The following KCNB2 variants were observed in gnomAD, a reference collection of about 807,000 sequenced individuals.
The protein encoded by KCNB2 is potassium voltage-gated channel subfamily B member 2, also known as delayed rectifier potassium channel protein.
KCNB2 carries 15 observed loss-of-function variants against 61.5 expected under a neutral mutation model. That is an observed-to-expected ratio of 0.24 (90% confidence interval 0.16 to 0.38). KCNB2 has a LOEUF of 0.38. Among genes scored for constraint, KCNB2 ranks in the 10% least tolerant of loss-of-function variants. The pLI is 1.00. For missense variants in KCNB2, 828 were observed against 1,125.2 expected, an observed-to-expected ratio of 0.74 and a Z score of 3.78; for synonymous variants, 457 against 446.0, an observed-to-expected ratio of 1.02 and a Z score of -0.31.
At chr8:72,927,514 A>T (rs941792543) in intron 2 of KCNB2, among the ~76,000 whole-genome samples, 1 of 152,084 alleles carries the variant, frequency 6.6e-6, no homozygotes, top group African/African-American at 2.4e-5. Context: ...CAGATGACCC[A>T]CCGGACTTGG....
intron 2 of KCNB2, among the ~76,000 whole-genome samples, chr8:72,650,075 G>C (rs1013148080): frequency 3.3e-5 from 5 of 152,060 alleles, no homozygotes; most frequent in Non-Finnish European, 7.4e-5. Context: ...TAAAAGGAAA[G>C]ACAATTATAC....
intron 2 of KCNB2, among the ~76,000 whole-genome samples, chr8:72,875,359 A>G (rs565084784): frequency 6.6e-6 from 1 of 152,172 alleles, no homozygotes; most frequent in Non-Finnish European, 1.5e-5. Flanking sequence ...GAGCCATAGC[A>G]GCCTGGCAGC....
chr8:72,620,617 TA>T (rs1390895613), intron 2 of KCNB2, among the ~76,000 whole-genome samples: 3 of 152,120 alleles, frequency 2.0e-5, no homozygotes, highest in Non-Finnish European at 4.4e-5. Flanking sequence ...TATTTTATTT[TA>T]TTTTTTTGAG....
At chr8:72,600,920 C>T (rs2128982491) in intron 2 of KCNB2, among the ~76,000 whole-genome samples, 1 of 151,310 alleles carries the variant, frequency 6.6e-6, no homozygotes, top group East Asian at 1.9e-4. Context: ...ATGAAATAGT[C>T]AGTACAATAA....
intron 2 of KCNB2, among the ~76,000 whole-genome samples, chr8:72,855,940 TATA>T (rs1810200959): frequency 6.6e-6 from 1 of 152,212 alleles, no homozygotes; most frequent in African/African-American, 2.4e-5. Context: ...CTAGATTTCT[TATA>T]ATACCTAATA....
intron 2 of KCNB2, among the ~76,000 whole-genome samples, chr8:72,783,480 G>C (rs192402863): frequency 6.6e-6 from 1 of 151,970 alleles, no homozygotes; most frequent in Non-Finnish European, 1.5e-5. Flanking sequence ...TGCAATTGCC[G>C]GTCCCTCTGC....
intron 2 of KCNB2, among the ~76,000 whole-genome samples, chr8:72,812,680 A>C (rs1809325890): frequency 6.6e-6 from 1 of 152,052 alleles, no homozygotes; most frequent in African/African-American, 2.4e-5. Context: ...TAAATATAAT[A>C]AATTATATTA....
chr8:72,679,882 T>C (rs1474832760), intron 2 of KCNB2, among the ~76,000 whole-genome samples: 1 of 152,218 alleles, frequency 6.6e-6, no homozygotes. Flanking sequence ...CCTGATTATA[T>C]GGCTGCTCTT....
chr8:72,820,224 C>G (rs1809473299), intron 2 of KCNB2, among the ~76,000 whole-genome samples: 2 of 152,170 alleles, frequency 1.3e-5, no homozygotes, highest in African/African-American at 4.8e-5. Flanking sequence ...ACTTTTGCCA[C>G]AAACACATTT....
chr8:72,922,024 G>A (rs188867273), intron 2 of KCNB2, among the ~76,000 whole-genome samples: 1 of 152,290 alleles, frequency 6.6e-6, no homozygotes, highest in African/African-American at 2.4e-5. Context: ...GGCTAAGAAA[G>A]GTACTCTCTC....
intron 2 of KCNB2, among the ~76,000 whole-genome samples, chr8:72,796,663 T>TA (rs1211481326): frequency 1.3e-5 from 2 of 152,174 alleles, no homozygotes; most frequent in African/African-American, 4.8e-5. Context: ...TACTCTAACT[T>TA]ACTAAAAAGT....
Position 72,614,662 on chromosome 8 carries a change from A to G in KCNB2, c.579+46349A>G, listed in dbSNP as rs1303159817. 1.3e-5 allele frequency among the ~76,000 whole-genome samples: 2 copies of G among 152,150 alleles called. 1 individual carries two copies. Among genetic ancestry groups the G allele is most frequent in the Non-Finnish European group, 2.9e-5 (2 of 68,020 alleles). ...CTCTTATAGGACTTTTCTAATAAGC[A>G]TTGCTTCAGGATGCTTTAAATCTGT... On this transcript the variant is annotated intron_variant, in intron 2 of 2. Coordinates refer to ENST00000523207, the MANE Select transcript of KCNB2 (RefSeq NM_004770.3).
At chr8:72,858,641 C>T (rs893106643) in intron 2 of KCNB2, among the ~76,000 whole-genome samples, 1 of 152,120 alleles carries the variant, frequency 6.6e-6, no homozygotes, top group Non-Finnish European at 1.5e-5. Context: ...CCCTCTCATA[C>T]AATGAAGAAT....
At chr8:72,659,460 A>T (rs545841135) in intron 2 of KCNB2, among the ~76,000 whole-genome samples, 1 of 152,308 alleles carries the variant, frequency 6.6e-6, no homozygotes, top group African/African-American at 2.4e-5. Context: ...ATATTGCATA[A>T]ACTTAGTTGA....
chr8:72,638,518 G>A (rs572530123), intron 2 of KCNB2, among the ~76,000 whole-genome samples: 9 of 152,170 alleles, frequency 5.9e-5, no homozygotes, highest in African/African-American at 1.7e-4. Flanking sequence ...TAGAAGCTGG[G>A]TTCTTCTTCT....
intron 2 of KCNB2, among the ~76,000 whole-genome samples, chr8:72,643,277 C>G (rs567167119): frequency 3.3e-5 from 5 of 152,274 alleles, no homozygotes; most frequent in African/African-American, 1.2e-4. Flanking sequence ...AGGCCCTGTG[C>G]TAGACATCAG....
intron 1 of KCNB2, among the ~76,000 whole-genome samples, chr8:72,561,691 T>TTTTATATATATATATGTA (rs1554576093): frequency 1.0e-4 from 2 of 19,406 alleles, no homozygotes; most frequent in African/African-American, 5.6e-4. Context: ...GATCTTACTT[T>TTTTATATATATATATGTA]TATATATATA....
chr8:72,704,918 TTA>T (rs1337453924), intron 2 of KCNB2, among the ~76,000 whole-genome samples: 1 of 152,034 alleles, frequency 6.6e-6, no homozygotes, highest in Non-Finnish European at 1.5e-5. Context: ...AATGTAAATG[TTA>T]TGTAAACATG....
intron 2 of KCNB2, among the ~76,000 whole-genome samples, chr8:72,693,544 A>G (rs886582210): frequency 7.2e-5 from 11 of 152,196 alleles, no homozygotes; most frequent in Admixed American, 4.6e-4. Flanking sequence ...TTCTAAAAAA[A>G]GCAACAACTC....
Sources: allele counts gnomAD v4.1 joint callset (sites outside exome capture counted in the v4.1 genomes callset), GRCh38; gene constraint gnomAD v4.1.1; transcripts MANE v1.5; gene names NCBI Gene and HGNC (gene_info 2026-07-23, HGNC 2026-07-21).